The following DCDC1 variants were observed in gnomAD, a reference collection of about 807,000 sequenced individuals.
DCDC1 encodes the protein doublecortin domain-containing protein 1.
A neutral mutation model predicts 178.3 loss-of-function variants in DCDC1; 200 were observed. The ratio of observed to expected loss-of-function variants is 1.12; its 90% CI spans 1.00 to 1.26. The LOEUF is 1.26. Among genes scored for constraint, DCDC1 ranks in the 50% most tolerant of loss-of-function variants. The pLI is 0.00. For synonymous variants in DCDC1, 690 were observed against 604.8 expected, an observed-to-expected ratio of 1.14 and a Z score of -2.07; for missense variants, 1,983 against 1,749.2, an observed-to-expected ratio of 1.13 and a Z score of -2.38.
At chr11:30,981,229 T>C (rs934413232) in intron 20 of DCDC1, among the ~76,000 whole-genome samples, 5 of 152,090 alleles carry the variant, frequency 3.3e-5, no homozygotes, top group African/African-American at 1.2e-4. Flanking sequence ...AAAAATTACC[T>C]GTTGGGTACA....
intron 9 of DCDC1, among the ~76,000 whole-genome samples, chr11:31,236,694 C>T (rs1976506293): frequency 6.6e-6 from 1 of 151,770 alleles, no homozygotes; most frequent in South Asian, 2.1e-4. Flanking sequence ...ACCTAATATT[C>T]TAAAAAAAAT....
At chr11:31,094,015 G>C in intron 16 of DCDC1, 35 bp downstream of exon 16, 1 of 759,500 alleles carries the variant, frequency 1.3e-6, no homozygotes, top group Admixed American at 1.7e-5. Context: ...CAAGCAAGGG[G>C]AGGTCACTCA....
At chr11:31,134,849 AG>A in intron 10 of DCDC1, among the ~76,000 whole-genome samples, 1 of 152,204 alleles carries the variant, frequency 6.6e-6, no homozygotes, top group South Asian at 2.1e-4. Flanking sequence ...TTTTTAAATG[AG>A]CTGGACATGG....
chr11:31,024,144 T>A (rs1953073239), intron 20 of DCDC1, among the ~76,000 whole-genome samples: 1 of 152,024 alleles, frequency 6.6e-6, no homozygotes, highest in African/African-American at 2.4e-5. Context: ...TATAGGATAA[T>A]GATTGATTGT....
At chr11:30,993,708 TA>T (rs1450334522) in intron 20 of DCDC1, among the ~76,000 whole-genome samples, 1 of 152,078 alleles carries the variant, frequency 6.6e-6, no homozygotes, top group Middle Eastern at 3.2e-3. Context: ...TATGACAAAT[TA>T]AAATATAACA....
intron 17 of DCDC1, among the ~76,000 whole-genome samples, chr11:31,078,553 G>C (rs1956996095): frequency 1.3e-5 from 2 of 152,286 alleles, no homozygotes; most frequent in East Asian, 1.9e-4. Flanking sequence ...CTGCCTCTGA[G>C]TTTTGACAGA....
chr11:31,075,032 T>A (rs2135544647), intron 18 of DCDC1, among the ~76,000 whole-genome samples: 1 of 152,332 alleles, frequency 6.6e-6, no homozygotes, highest in South Asian at 2.1e-4. Context: ...ATCCATTAAG[T>A]AATTTCTCAT....
Position 30,903,480 on chromosome 11 carries a change from A to G in DCDC1, c.4510+2T>C, listed in dbSNP as rs1944848082. The stretch of plus-strand genomic sequence containing the variant: ...AGCTAAATGCTGTAGATTGTAGCCA[A>G]CCTTCCATACTTTCAACAATTATCT... On this transcript the variant is annotated splice_donor_variant, in intron 32 of 38. Transcript: ENST00000684477. LOFTEE classifies it high-confidence loss of function. The G allele has an allele frequency of 1.9e-6, 3 of 1,587,276 alleles. No homozygotes were observed. Among genetic ancestry groups the G allele is most frequent in the Middle Eastern group, 1.7e-4 (1 of 5,882 alleles).
At chr11:31,351,562 A>G (rs1951072060) in intron 1 of DCDC1, among the ~76,000 whole-genome samples, 1 of 152,124 alleles carries the variant, frequency 6.6e-6, no homozygotes, top group Non-Finnish European at 1.5e-5. Context: ...TGTAAATATT[A>G]TGTGGGAAAT....
At chr11:31,114,598 C>T (rs1046318063) in intron 11 of DCDC1, among the ~76,000 whole-genome samples, 3 of 152,124 alleles carry the variant, frequency 2.0e-5, no homozygotes, top group Non-Finnish European at 4.4e-5. Flanking sequence ...AAGAGTACTA[C>T]ACGCAGAGAG....
At chr11:31,357,010 A>G (rs946018496) in intron 1 of DCDC1, among the ~76,000 whole-genome samples, 4 of 150,936 alleles carry the variant, frequency 2.7e-5, no homozygotes, top group African/African-American at 7.3e-5. Flanking sequence ...CCAGAGGTAC[A>G]AGGAGGAACT....
At position 30,952,892 on chromosome 11, in the gene DCDC1, G is replaced by C. The variant is rs12576438; in HGVS notation, c.2592-324C>G. Reference sequence around the variant, plus strand: ...ATAACAATATTAACATAAAAATTAAGCAAAACTTTAGACAGTAAAAGAGAA... The same window carrying C: ...ATAACAATATTAACATAAAAATTAACCAAAACTTTAGACAGTAAAAGAGAA... On this transcript the variant is annotated intron_variant, in intron 20 of 38. Transcript: ENST00000684477. Among the ~76,000 whole-genome samples the C allele has an allele frequency of 5.5e-4, 83 of 152,084 alleles. 2 individuals are homozygous for C. The East Asian group carries it at 0.015, about 27-fold the overall frequency.
intron 8 of DCDC1, among the ~76,000 whole-genome samples, chr11:31,250,415 C>CACACACACACACACACACACACACAT (rs1223526182): frequency 2.7e-5 from 2 of 73,734 alleles, no homozygotes; most frequent in East Asian, 9.3e-4. Flanking sequence ...CACACACACA[C>CACACACACACACACACACACACACAT]ATATACATAT....
chr11:31,085,667 T>C (rs966056733), intron 17 of DCDC1, among the ~76,000 whole-genome samples: 1 of 151,648 alleles, frequency 6.6e-6, no homozygotes, highest in Non-Finnish European at 1.5e-5. Context: ...TTTTTTTTTC[T>C]GTAGGCTTTT....
intron 11 of DCDC1, among the ~76,000 whole-genome samples, chr11:31,126,919 T>A (rs1428794811): frequency 6.6e-6 from 1 of 152,338 alleles, no homozygotes; most frequent in East Asian, 1.9e-4. Context: ...CATTTAGCGA[T>A]CTTGTCCTGA....
At chr11:31,029,624 T>G (rs1953487265) in intron 20 of DCDC1, among the ~76,000 whole-genome samples, 1 of 152,130 alleles carries the variant, frequency 6.6e-6, no homozygotes, top group Middle Eastern at 3.2e-3. Context: ...CTACTATAAA[T>G]TTTAGAATGA....
At position 30,906,526 on chromosome 11, in the gene DCDC1, A is replaced by G. The variant is rs773524768; in HGVS notation, c.4104+14T>C. The G allele has an allele frequency of 1.2e-5, 20 of 1,608,390 alleles. No individual in the cohort carries two copies. Among genetic ancestry groups the G allele is most frequent in the Non-Finnish European group, 1.6e-5 (19 of 1,177,192 alleles). ...TGCCATACATGCATTAGCAGAGCTC[A>G]GATCATTACATACCTCAGCCACACT... On this transcript the variant is annotated intron_variant, in intron 30 of 38. Coordinates refer to ENST00000684477, the MANE Select transcript of DCDC1 (RefSeq NM_001387274.1).
chr11:31,154,902 T>C (rs182505106), intron 9 of DCDC1, among the ~76,000 whole-genome samples: 149 of 152,354 alleles, frequency 9.8e-4, no homozygotes, highest in African/African-American at 3.5e-3. Flanking sequence ...TATGCCCTAC[T>C]ACGTGGTTCT....
At chr11:31,225,568 T>C (rs1260263078) in intron 9 of DCDC1, among the ~76,000 whole-genome samples, 1 of 150,784 alleles carries the variant, frequency 6.6e-6, no homozygotes, top group African/African-American at 2.4e-5. Context: ...TAAATATGTG[T>C]TATATATACA....
Sources: gnomAD v4.1 joint callset for allele counts (sites outside exome capture counted in the v4.1 genomes callset) on GRCh38, gnomAD v4.1.1 for gene constraint, MANE v1.5 for transcripts, NCBI Gene and HGNC (gene_info 2026-07-23, HGNC 2026-07-21) for gene names.